CEMIP2: variants seen among roughly 807,000 people sequenced by gnomAD.
CEMIP2 encodes cell surface hyaluronidase CEMIP2.
Under a neutral mutation model 146.9 loss-of-function variants are expected in CEMIP2, and 79 were observed. The observed-to-expected ratio is 0.54, with a 90% confidence interval of 0.45 to 0.65. CEMIP2 has a LOEUF of 0.65. Ranked by LOEUF, CEMIP2 falls within the 30% of genes least tolerant of loss-of-function variation. CEMIP2 has a pLI of 0.00. For synonymous variants in CEMIP2, 601 were observed against 606.3 expected (o/e 0.99, Z 0.13); for missense variants, 1,596 against 1,696.2 (o/e 0.94, Z 1.04).
intron 1 of CEMIP2, among the ~76,000 whole-genome samples, chr9:71,761,273 C>A (rs12341275): frequency 0.056 from 8,505 of 152,174 alleles, 738 homozygotes; most frequent in African/African-American, 0.19. Flanking sequence ...GAAGAAAAAA[C>A]CAAGAAAGTT....
At chr9:71,762,653 T>C (rs537105821) in intron 1 of CEMIP2, among the ~76,000 whole-genome samples, 11 of 152,104 alleles carry the variant, frequency 7.2e-5, no homozygotes, top group Non-Finnish European at 1.3e-4. Context: ...CAAGCCCTGC[T>C]CAAGCATATT....
chr9:71,727,344 T>C (rs1397128886), intron 10 of CEMIP2, among the ~76,000 whole-genome samples: 1 of 152,214 alleles, frequency 6.6e-6, no homozygotes, highest in Non-Finnish European at 1.5e-5. Flanking sequence ...TGGTCATCTT[T>C]ACTCAAAAAC....
intron 1 of CEMIP2, among the ~76,000 whole-genome samples, chr9:71,767,636 A>G (rs1478289019): frequency 1.3e-5 from 2 of 152,194 alleles, no homozygotes; most frequent in Non-Finnish European, 2.9e-5. Flanking sequence ...TGTAGCCACT[A>G]GTGCTATTAA....
intron 11 of CEMIP2, 30 bp from the exon 12 acceptor site, chr9:71,722,545 A>C: frequency 6.6e-7 from 1 of 1,506,616 alleles, no homozygotes; most frequent in African/African-American, 1.4e-5. Flanking sequence ...GACTGGAATG[A>C]ATATGAATCC....
At chr9:71,725,081 C>T (rs904230574) in intron 11 of CEMIP2, among the ~76,000 whole-genome samples, 1 of 152,136 alleles carries the variant, frequency 6.6e-6, no homozygotes, top group African/African-American at 2.4e-5. Context: ...ATATCCTGAA[C>T]AGGGAGGGGT....
intron 21 of CEMIP2, among the ~76,000 whole-genome samples, chr9:71,690,928 T>C (rs1461154066): frequency 6.6e-6 from 1 of 152,226 alleles, no homozygotes; most frequent in African/African-American, 2.4e-5. Context: ...CATTAATTTC[T>C]CAGCCAAAAA....
chr9:71,766,562 A>G (rs999957474), intron 1 of CEMIP2, among the ~76,000 whole-genome samples: 8 of 152,188 alleles, frequency 5.3e-5, no homozygotes, highest in African/African-American at 1.9e-4. Context: ...ACATGACTGA[A>G]GTGTTGCCCC....
chr9:71,716,467 G>A, intron 14 of CEMIP2, 50 bp downstream of exon 14: 1 of 1,408,474 alleles, frequency 7.1e-7, no homozygotes, highest in Non-Finnish European at 9.8e-7. Flanking sequence ...AAAAATCAAG[G>A]GTTATTTTAA....
rs966514501 is a variant in CEMIP2 at position 71,729,911 on chromosome 9, A to C, written c.1983T>G (p.Ala661=). ...YIPVPATDCM[A]VSTFWIAHPN... ...GATGAGCAATCCAGAAAGTTGAAAC[A>C]GCCCTGCAAGGCATTTTTCAAGGTG... is the stretch of plus-strand genomic sequence containing the variant. Residue 661 remains alanine (A), a synonymous_variant, in exon 10 of 24, where the codon GCT becomes GCG. Transcript: ENST00000377044. 9 of 1,614,200 alleles carry C rather than the reference A, an allele frequency of 5.6e-6. No individual in the cohort carries two copies. Among genetic ancestry groups the C allele is most frequent in the Non-Finnish European group, 7.6e-6 (9 of 1,180,026 alleles).
intron 10 of CEMIP2, among the ~76,000 whole-genome samples, chr9:71,728,290 TATATATATATAC>T (rs1356870892): frequency 0.014 from 224 of 15,870 alleles, 55 homozygotes; most frequent in African/African-American, 0.024. Flanking sequence ...TGTATATATA[TATATATATATAC>T]ATATATATAT....
chr9:71,744,482 T>C (rs541386119), intron 4 of CEMIP2, among the ~76,000 whole-genome samples: 1 of 152,272 alleles, frequency 6.6e-6, no homozygotes, highest in South Asian at 2.1e-4. Flanking sequence ...TCCTCATATA[T>C]GCCAGGGGTC....
At chr9:71,756,422 A>G (rs1008094534) in intron 1 of CEMIP2, among the ~76,000 whole-genome samples, 1 of 150,968 alleles carries the variant, frequency 6.6e-6, no homozygotes, top group Admixed American at 6.6e-5. Context: ...TCAGAAATCA[A>G]TTTGATTTTG....
intron 17 of CEMIP2, among the ~76,000 whole-genome samples, chr9:71,707,663 A>C (rs1677618663): frequency 6.6e-6 from 1 of 152,200 alleles, no homozygotes. Context: ...CACACCTTTG[A>C]CCGGCAAAGT....
intron 1 of CEMIP2, among the ~76,000 whole-genome samples, chr9:71,765,197 T>C (rs1250330863): frequency 6.6e-6 from 1 of 152,154 alleles, no homozygotes; most frequent in Non-Finnish European, 1.5e-5. Context: ...AGACTTGCTC[T>C]CAAGATGGGA....
intron 1 of CEMIP2, among the ~76,000 whole-genome samples, chr9:71,756,861 A>T (rs550801650): frequency 5.9e-5 from 9 of 152,348 alleles, no homozygotes; most frequent in African/African-American, 2.2e-4. Flanking sequence ...ACATTATGAA[A>T]TGCAGTAGGC....
chr9:71,715,250 T>G (rs1823015517), intron 14 of CEMIP2, among the ~76,000 whole-genome samples, 161 bp from the exon 15 acceptor site: 3 of 148,256 alleles, frequency 2.0e-5, no homozygotes, highest in African/African-American at 7.5e-5. Flanking sequence ...TTTTTTTTTT[T>G]TTTTTTTTTT....
rs1554684803 is a variant in CEMIP2 at position 71,728,302 on chromosome 9, C to CGT, written c.2049+1542_2049+1543insAC. ...ATATGTATATATATATATATATATA[C>CGT]ATATATATATATATACGTATATATA... is the stretch of plus-strand genomic sequence containing the variant. On this transcript the variant is annotated intron_variant, in intron 10 of 23. Transcript: ENST00000377044. Among the ~76,000 whole-genome samples, 22 of 11,574 alleles carry CGT rather than the reference C, an allele frequency of 1.9e-3. 4 individuals carry two copies. Among genetic ancestry groups the CGT allele is most frequent in the Admixed American group, 0.012 (7 of 574 alleles). 7.6% of individuals were successfully genotyped at this position (11,574 alleles called of 152,430 possible). A position where few individuals can be genotyped will look rare whatever the true frequency, so the allele number is the denominator to read the frequency against.
intron 6 of CEMIP2, among the ~76,000 whole-genome samples, chr9:71,734,061 C>T (rs1450653537): frequency 2.0e-5 from 3 of 151,992 alleles, no homozygotes; most frequent in Admixed American, 6.6e-5. Flanking sequence ...TGGGCCGGGC[C>T]GGTCTCAAAT....
chr9:71,694,383 A>G (rs933820108), intron 21 of CEMIP2, 126 bp downstream of exon 21: 8 of 674,050 alleles, frequency 1.2e-5, no homozygotes, highest in Admixed American at 4.8e-5. Flanking sequence ...TTGGCCTCCC[A>G]AAGTGCTGGG....
Sources: allele counts gnomAD v4.1 joint callset (sites outside exome capture counted in the v4.1 genomes callset), GRCh38; gene constraint gnomAD v4.1.1; transcripts MANE v1.5; gene names NCBI Gene and HGNC (gene_info 2026-07-23, HGNC 2026-07-21).